The following BCAS3 variants were observed in gnomAD, a reference collection of about 807,000 sequenced individuals.
The protein encoded by BCAS3 is BCAS3 microtubule associated cell migration factor.
In BCAS3, 53 loss-of-function variants were observed where a neutral mutation model predicts 116.1. The ratio of observed to expected loss-of-function variants is 0.46; its 90% confidence interval spans 0.37 to 0.57. The LOEUF is 0.57. BCAS3 is among the 20% of genes least tolerant of loss of function. The pLI, the probability that BCAS3 is intolerant of heterozygous loss-of-function variation, is 0.00. For synonymous variants in BCAS3, 391 were observed against 408.2 expected (o/e 0.96, Z 0.51); for missense variants, 917 against 1,165.4 (o/e 0.79, Z 3.10).
chr17:61,372,827 C>T (rs1368662963), intron 23 of BCAS3, among the ~76,000 whole-genome samples: 2 of 151,964 alleles, frequency 1.3e-5, no homozygotes, highest in Admixed American at 6.6e-5. Flanking sequence ...TTCAATATTG[C>T]CTTTTCTAGA....
intron 7 of BCAS3, among the ~76,000 whole-genome samples, chr17:60,850,345 G>GTTTTTTTTTTTT (rs10573405): frequency 8.0e-5 from 3 of 37,730 alleles, no homozygotes; most frequent in African/African-American, 2.8e-4. Flanking sequence ...TGGCACCACT[G>GTTTTTTTTTTTT]TTTTTTTTTT....
At position 61,034,527 on chromosome 17, in the gene BCAS3, C is replaced by T; in HGVS notation, c.1638-139C>T. On this transcript the variant is annotated intron_variant, in intron 16 of 23. Coordinates refer to ENST00000407086, the MANE Select transcript of BCAS3 (RefSeq NM_017679.5). The surrounding 1 kb of genome is among the most constrained non-coding windows in gnomAD (Gnocchi z 5.0). Reference sequence around the variant, plus strand: ...ACTCCAGAACATAGTCTCACATCACCATTTATTACTTAAGGCAAAATGCAT... The same window carrying T: ...ACTCCAGAACATAGTCTCACATCACTATTTATTACTTAAGGCAAAATGCAT... 1 of 696,054 alleles carries T rather than the reference C, an allele frequency of 1.4e-6. No homozygotes were observed. Among genetic ancestry groups the T allele is most frequent in the Non-Finnish European group, 2.3e-6 (1 of 444,426 alleles). 43.1% of individuals were successfully genotyped at this position (696,054 alleles called of 1,614,324 possible). A position where few individuals can be genotyped will look rare whatever the true frequency, so the allele number is the denominator to read the frequency against.
In BCAS3 at chr17:61,377,605, A is replaced by G. The variant is rs1423088710; in HGVS notation, c.2593+9111A>G. 1.3e-5 allele frequency among the ~76,000 whole-genome samples: 2 copies of G among 152,084 alleles called. No individual in the cohort carries two copies. ...CTGGGCCAGTTTCTTCCTCTGTGAC[A>G]CAGTGTGGGGAGGAGGAGCTAGTAA... On this transcript the variant is annotated intron_variant, in intron 23 of 23. Transcript: ENST00000407086. The surrounding 1 kb of genome is among the most constrained non-coding windows in gnomAD (Gnocchi z 4.6).
At chr17:60,771,511 A>G (rs543257780) in intron 6 of BCAS3, among the ~76,000 whole-genome samples, 1 of 152,290 alleles carries the variant, frequency 6.6e-6, no homozygotes, top group South Asian at 2.1e-4. Flanking sequence ...AAAACTTGGA[A>G]TAAACTATTA....
intron 14 of BCAS3, among the ~76,000 whole-genome samples, chr17:60,988,245 A>G (rs115675421): frequency 0.03 from 4,475 of 150,228 alleles, 229 homozygotes; most frequent in African/African-American, 0.1. Context: ...GGATTTTTAC[A>G]TCAATGTTCA....
intron 6 of BCAS3, among the ~76,000 whole-genome samples, chr17:60,777,643 A>G (rs909434898): frequency 6.6e-6 from 1 of 152,102 alleles, no homozygotes; most frequent in Non-Finnish European, 1.5e-5. Context: ...AAAAGGAAAA[A>G]AAGAAACTTA....
chr17:60,733,669 C>G (rs1184850191), intron 5 of BCAS3, among the ~76,000 whole-genome samples: 1 of 151,862 alleles, frequency 6.6e-6, no homozygotes, highest in African/African-American at 2.4e-5. Flanking sequence ...TTGTGAGACC[C>G]CAGTCTCTAC....
chr17:60,783,030 A>G (rs1416624363), intron 6 of BCAS3, among the ~76,000 whole-genome samples: 1 of 152,206 alleles, frequency 6.6e-6, no homozygotes, highest in Non-Finnish European at 1.5e-5. Flanking sequence ...TAGCCAGAGC[A>G]CACAGGATTT....
intron 6 of BCAS3, among the ~76,000 whole-genome samples, chr17:60,800,886 G>A (rs1394481617): frequency 6.6e-6 from 1 of 151,752 alleles, no homozygotes; most frequent in Non-Finnish European, 1.5e-5. Flanking sequence ...ATATTTGTGT[G>A]GTCTATTTCT....
intron 22 of BCAS3, among the ~76,000 whole-genome samples, chr17:61,269,083 G>A (rs1433705419): frequency 6.6e-6 from 1 of 151,202 alleles, no homozygotes. Flanking sequence ...GAACACAGGT[G>A]TGCAAACATC....
At chr17:61,304,055 C>T (rs2053649500) in intron 22 of BCAS3, among the ~76,000 whole-genome samples, 1 of 152,230 alleles carries the variant, frequency 6.6e-6, no homozygotes. Flanking sequence ...ATCATCCTTA[C>T]ACTGTCTCCT....
At chr17:61,308,483 TG>T (rs1204655755) in intron 22 of BCAS3, among the ~76,000 whole-genome samples, 1 of 149,616 alleles carries the variant, frequency 6.7e-6, no homozygotes. Context: ...TCTAAACACA[TG>T]CTTACAAATG....
intron 6 of BCAS3, among the ~76,000 whole-genome samples, chr17:60,795,889 C>T (rs770085165): frequency 6.6e-6 from 1 of 152,078 alleles, no homozygotes; most frequent in Non-Finnish European, 1.5e-5. Flanking sequence ...AGGGTTTCAC[C>T]ATGTTGGCCA....
chr17:60,871,711 T>G (rs2055120100), intron 8 of BCAS3, among the ~76,000 whole-genome samples: 2 of 152,030 alleles, frequency 1.3e-5, no homozygotes, highest in Middle Eastern at 3.2e-3. Context: ...TTCCCAGTGT[T>G]AAACCATTCT....
chr17:60,846,266 C>A (rs2052526514), intron 7 of BCAS3, among the ~76,000 whole-genome samples: 1 of 152,064 alleles, frequency 6.6e-6, no homozygotes, highest in Admixed American at 6.6e-5. Context: ...CAGTCAGGAT[C>A]AGGTATATTA....
At chr17:61,223,065 C>G (rs2082193926) in intron 22 of BCAS3, among the ~76,000 whole-genome samples, 1 of 152,018 alleles carries the variant, frequency 6.6e-6, no homozygotes, top group South Asian at 2.1e-4. Flanking sequence ...ATCTCCCTTT[C>G]CTGAATCACA....
rs10671633 is a variant in BCAS3 at position 61,095,844 on chromosome 17, TACACACACACACACAC to T, written c.2425+11294_2425+11309del. ...AAAACCACTGGTATGCATATTCTCG[TACACACACACACACAC>T]ACACACACACACATTAAATTACTAG... On this transcript the variant is annotated intron_variant, in intron 22 of 23. Coordinates refer to ENST00000407086, the MANE Select transcript of BCAS3 (RefSeq NM_017679.5). The surrounding 1 kb of genome is among the most constrained non-coding windows in gnomAD (Gnocchi z 4.7). 6.8e-6 allele frequency among the ~76,000 whole-genome samples: 1 copy of T among 146,274 alleles called. No individual in the cohort carries two copies. The highest frequency in any genetic ancestry group is 2.0e-4 in the East Asian group (1 of 5,032).
rs1486769122 is a variant in BCAS3 at position 61,377,309 on chromosome 17, C to T, written c.2593+8815C>T. ...CCCTACTCGGGACAAGAGGGAGCAG[C>T]TGCGCCAGCGAGACTGTGGGACAGC... On this transcript the variant is annotated intron_variant, in intron 23 of 23. Transcript: ENST00000407086. This position sits in a 1 kb window ranked among gnomAD's most constrained non-coding sequence, Gnocchi z 4.6. Among the ~76,000 whole-genome samples, 3 of 152,214 alleles carry T rather than the reference C, an allele frequency of 2.0e-5. No individual in the cohort carries two copies. Among genetic ancestry groups the T allele is most frequent in the South Asian group, 2.1e-4 (1 of 4,832 alleles).
At chr17:61,193,155 A>C (rs142900755) in intron 22 of BCAS3, among the ~76,000 whole-genome samples, 3,232 of 152,002 alleles carry the variant, frequency 0.021, 123 homozygotes, top group African/African-American at 0.074. Context: ...CCAGCTAGTC[A>C]GGAGGCTGAG....
Sources: gnomAD v4.1 joint callset for allele counts (sites outside exome capture counted in the v4.1 genomes callset) on GRCh38, gnomAD v4.1.1 for gene constraint, Gnocchi (gnomAD v3.1) non-coding constraint, MANE v1.5 for transcripts, NCBI Gene and HGNC (gene_info 2026-07-23, HGNC 2026-07-21) for gene names.